GPR158: variants seen among roughly 807,000 people sequenced by gnomAD.
GPR158 encodes the protein metabotropic glycine receptor.
Under a neutral mutation model 78.2 loss-of-function variants are expected in GPR158, and 30 were observed. The ratio of observed to expected loss-of-function variants is 0.38; its 90% CI spans 0.29 to 0.52. The LOEUF (loss-of-function observed/expected upper bound fraction) is 0.52. Ranked by LOEUF, GPR158 falls within the 20% of genes least tolerant of loss-of-function variation. The pLI, the probability that GPR158 is intolerant of heterozygous loss-of-function variation, is 0.83. For missense variants in GPR158, 1,463 were observed against 1,523.5 expected, an observed-to-expected ratio of 0.96 and a Z score of 0.66; for synonymous variants, 581 against 591.1, an observed-to-expected ratio of 0.98 and a Z score of 0.25.
chr10:25,317,503 A>T (rs1854871476), intron 2 of GPR158, among the ~76,000 whole-genome samples: 1 of 152,018 alleles, frequency 6.6e-6, no homozygotes, highest in Admixed American at 6.6e-5. Flanking sequence ...GTTCAAAAAA[A>T]AAATTTCTGA....
At chr10:25,319,440 A>G (rs1752201888) in intron 2 of GPR158, among the ~76,000 whole-genome samples, 2 of 152,092 alleles carry the variant, frequency 1.3e-5, no homozygotes, top group Non-Finnish European at 2.9e-5. Context: ...TGGGTATTCC[A>G]TAGGATTTGT....
chr10:25,385,592 A>T (rs1176109150), intron 2 of GPR158, among the ~76,000 whole-genome samples: 1 of 152,146 alleles, frequency 6.6e-6, no homozygotes, highest in African/African-American at 2.4e-5. Context: ...AACAGTGCAC[A>T]AGGGTTCCAA....
At chr10:25,387,310 C>G (rs533287137) in intron 2 of GPR158, among the ~76,000 whole-genome samples, 19 of 152,242 alleles carry the variant, frequency 1.2e-4, no homozygotes, top group Admixed American at 8.5e-4. Flanking sequence ...TCCTTGAATT[C>G]TAGAAATGAA....
At chr10:25,472,476 A>G (rs949688363) in intron 5 of GPR158, among the ~76,000 whole-genome samples, 4 of 152,124 alleles carry the variant, frequency 2.6e-5, no homozygotes, top group Admixed American at 6.6e-5. Context: ...GAACTTTAAA[A>G]TAGTTTTTTC....
At chr10:25,473,928 T>A (rs1250552935) in intron 5 of GPR158, among the ~76,000 whole-genome samples, 1 of 152,128 alleles carries the variant, frequency 6.6e-6, no homozygotes, top group African/African-American at 2.4e-5. Flanking sequence ...TGTTTGAATA[T>A]GTTACCTTAC....
intron 2 of GPR158, among the ~76,000 whole-genome samples, chr10:25,341,325 TTAAAA>T (rs1323790279): frequency 9.2e-5 from 14 of 152,022 alleles, no homozygotes; most frequent in African/African-American, 3.4e-4. Flanking sequence ...TAGTAGTACT[TTAAAA>T]TATGCTAGAA....
intron 2 of GPR158, among the ~76,000 whole-genome samples, chr10:25,331,179 A>G (rs1260288455): frequency 6.6e-6 from 1 of 152,134 alleles, no homozygotes; most frequent in Non-Finnish European, 1.5e-5. Context: ...GCCTCAACTA[A>G]TCCTCCAGCC....
intron 4 of GPR158, among the ~76,000 whole-genome samples, chr10:25,433,429 T>G (rs999007064): frequency 6.6e-6 from 1 of 152,142 alleles, no homozygotes; most frequent in African/African-American, 2.4e-5. Flanking sequence ...TGGTTTTATA[T>G]GTTCCTTGGC....
At chr10:25,509,889 T>C (rs1836061392) in intron 5 of GPR158, among the ~76,000 whole-genome samples, 1 of 152,152 alleles carries the variant, frequency 6.6e-6, no homozygotes, top group South Asian at 2.1e-4. Flanking sequence ...AATTTTTGTA[T>C]TTTTAGTTGA....
chr10:25,385,110 C>A (rs1457205704), intron 2 of GPR158, among the ~76,000 whole-genome samples: 2 of 152,080 alleles, frequency 1.3e-5, no homozygotes, highest in African/African-American at 4.8e-5. Flanking sequence ...ACCCATTGAA[C>A]AACTCCTCAT....
intron 2 of GPR158, among the ~76,000 whole-genome samples, chr10:25,385,534 A>G (rs548513434): frequency 1.3e-5 from 2 of 152,032 alleles, no homozygotes; most frequent in Admixed American, 1.3e-4. Context: ...TTTTTTGAGA[A>G]CCTTCATACT....
intron 2 of GPR158, among the ~76,000 whole-genome samples, chr10:25,238,692 A>G (rs765282718): frequency 1.3e-5 from 2 of 152,210 alleles, no homozygotes; most frequent in African/African-American, 2.4e-5. Context: ...TAAACCATCA[A>G]ACAAAATCAA....
chr10:25,357,798 A>G (rs1469050629), intron 2 of GPR158, among the ~76,000 whole-genome samples: 2 of 150,322 alleles, frequency 1.3e-5, no homozygotes, highest in African/African-American at 2.5e-5. Flanking sequence ...CACAGTCCCT[A>G]CTGGGGCACT....
chr10:25,389,900 A>G (rs896681863), intron 2 of GPR158, among the ~76,000 whole-genome samples: 56 of 152,360 alleles, frequency 3.7e-4, no homozygotes, highest in African/African-American at 1.1e-3. Context: ...TTTAGCTCCC[A>G]TAATCCCCAT....
intron 5 of GPR158, among the ~76,000 whole-genome samples, chr10:25,502,884 C>T (rs1007923346): frequency 5.3e-5 from 8 of 152,082 alleles, no homozygotes; most frequent in Non-Finnish European, 7.4e-5. Flanking sequence ...AAAAAAAGGG[C>T]ACCAAACACA....
chr10:25,264,829 T>C (rs1273141715), intron 2 of GPR158, among the ~76,000 whole-genome samples: 1 of 152,194 alleles, frequency 6.6e-6, no homozygotes. Flanking sequence ...CTTTTCCAGT[T>C]TCCAGTGCTA....
Position 25,224,776 on chromosome 10 carries a change from AC to A in GPR158, c.1008+3620del, listed in dbSNP as rs1853350800. On this transcript the variant is annotated intron_variant, in intron 2 of 10. Transcript: ENST00000376351. ...ACCAATTTTTGCAGAGGTTTTCTTT[AC>A]AGAGATACAGCTGGCAATTCTGCAT... Among the ~76,000 whole-genome samples the A allele has an allele frequency of 2.0e-5, 3 of 152,148 alleles. No individual in the cohort carries two copies. The East Asian group carries it at 5.8e-4, about 29-fold the overall frequency.
chr10:25,195,723 C>CT (rs34295703), intron 1 of GPR158, among the ~76,000 whole-genome samples: 1 of 151,962 alleles, frequency 6.6e-6, no homozygotes, highest in Non-Finnish European at 1.5e-5. Context: ...TCTTCTTTTT[C>CT]TTTTTTTCAC....
intron 4 of GPR158, among the ~76,000 whole-genome samples, chr10:25,449,992 T>C (rs999633588): frequency 8.2e-6 from 1 of 121,416 alleles, no homozygotes; most frequent in Admixed American, 8.9e-5. Context: ...CAAAATTTAA[T>C]AAAAATGATC....
Sources: allele counts gnomAD v4.1 joint callset (sites outside exome capture counted in the v4.1 genomes callset), GRCh38; gene constraint gnomAD v4.1.1; transcripts MANE v1.5; gene names NCBI Gene and HGNC (gene_info 2026-07-23, HGNC 2026-07-21).